Variants in ZC3H18 observed in about 807,000 individuals in gnomAD.
ZC3H18 encodes zinc finger CCCH-type containing 18.
Under a neutral mutation model 106.1 loss-of-function variants are expected in ZC3H18, and 8 were observed. The observed-to-expected ratio is 0.08, with a 90% CI of 0.04 to 0.14. ZC3H18 has a LOEUF of 0.14. Ranked by LOEUF, ZC3H18 falls within the 10% of genes least tolerant of loss-of-function variation. The pLI, the probability that ZC3H18 is intolerant of heterozygous loss-of-function variation, is 1.00. For synonymous variants in ZC3H18, 635 were observed against 522.1 expected (o/e 1.22, Z -2.95); for missense variants, 1,318 against 1,278.4 (o/e 1.03, Z -0.47).
At chr16:88,590,406 G>T (rs1461705532) in intron 3 of ZC3H18, among the ~76,000 whole-genome samples, 1 of 152,114 alleles carries the variant, frequency 6.6e-6, no homozygotes, top group Non-Finnish European at 1.5e-5. Context: ...CGCCTGCCCG[G>T]CTCCACAGCA....
intron 13 of ZC3H18, 67 bp downstream of exon 13, chr16:88,625,334 C>A: frequency 6.5e-7 from 1 of 1,544,380 alleles, no homozygotes; most frequent in South Asian, 1.2e-5. Flanking sequence ...CCAGAAGCAG[C>A]CAGTGTGGGT....
chr16:88,593,810 G>A (rs1332318968), intron 3 of ZC3H18, among the ~76,000 whole-genome samples: 5 of 152,254 alleles, frequency 3.3e-5, no homozygotes, highest in Non-Finnish European at 7.3e-5. Flanking sequence ...GGAGCTTTCA[G>A]TTGAAAATTG....
rs1203865623 is a variant in ZC3H18 at position 88,577,632 on chromosome 16, G to A, written c.509G>A (p.Gly170Asp). The A allele has an allele frequency of 3.7e-6, 6 of 1,613,926 alleles. No individual in the cohort carries two copies. The highest frequency in any genetic ancestry group is 1.7e-4 in the Middle Eastern group (1 of 5,960). ...ACTCCCAGGGAGGAGGGGAAGGCTGGTGTTCAGAGTGTGGGAGAAAAGGAA... is the reference window on the plus strand; with the variant it reads ...ACTCCCAGGGAGGAGGGGAAGGCTGATGTTCAGAGTGTGGGAGAAAAGGAA... ...EGTPREEGKA[G>D]VQSVGEKESL... The change falls in exon 2 of 18, where the codon GGT becomes GAT. Residue 170 changes from glycine to aspartate, a missense_variant. Gly to Asp is a moderately conservative substitution (Grantham distance 94). This residue lies in a region of ZC3H18 where 346 missense variants were observed against 269.0 expected (regional missense o/e 1.29). Coordinates refer to ENST00000301011, the MANE Select transcript of ZC3H18 (RefSeq NM_144604.4).
chr16:88,573,295 T>G (rs1914523940), intron 1 of ZC3H18, among the ~76,000 whole-genome samples: 1 of 151,980 alleles, frequency 6.6e-6, no homozygotes, highest in African/African-American at 2.4e-5. Context: ...TGTTTATACA[T>G]TGTAATAAAA....
chr16:88,625,266 A>G lies in ZC3H18; in HGVS notation c.2107A>G (p.Arg703Gly). 6.3e-7 allele frequency: 1 copy of G among 1,587,502 alleles called. No individual in the cohort carries two copies. The highest frequency in any genetic ancestry group is 8.6e-7 in the Non-Finnish European group (1 of 1,167,156). The stretch of plus-strand genomic sequence containing the variant: ...CTATAGTGGTTCCAGCTCCCGATCC[A>G]GGTCATCCCCATCACCCTGTGCCTC... ...SSYSGSSSRS[R>G]SLSVSSVSSV... The change falls in exon 13 of 18, where the codon AGG becomes GGG. Residue 703 changes from arginine to glycine, a missense_variant and splice_region_variant. Physicochemically the swap from Arg to Gly is moderately radical, Grantham distance 125 (BLOSUM62 -2). Coordinates refer to ENST00000301011, the MANE Select transcript of ZC3H18 (RefSeq NM_144604.4).
Position 88,631,585 on chromosome 16 carries a change from C to G in ZC3H18, c.*286C>G. The G allele has an allele frequency of 3.9e-6, 2 of 518,432 alleles. No individual in the cohort carries two copies. The highest frequency in any genetic ancestry group is 7.4e-6 in the Non-Finnish European group (2 of 268,864). 32.1% of individuals were successfully genotyped at this position (518,432 alleles called of 1,614,324 possible). A position where few individuals can be genotyped will look rare whatever the true frequency, so the allele number is the denominator to read the frequency against. On this transcript the variant is annotated 3_prime_UTR_variant, in exon 18 of 18. Transcript: ENST00000301011. ...GCCCCAGCCGCCAGCCCCGCCTTCT[C>G]TTCCTCCTCCTCCGTCTTCTTCCCT... is the stretch of plus-strand genomic sequence containing the variant.
At chr16:88,594,661 A>G (rs1904338107) in intron 3 of ZC3H18, among the ~76,000 whole-genome samples, 1 of 152,206 alleles carries the variant, frequency 6.6e-6, no homozygotes, top group Non-Finnish European at 1.5e-5. Context: ...GGGGGCAATG[A>G]TTGATGGATG....
intron 2 of ZC3H18, among the ~76,000 whole-genome samples, chr16:88,580,156 C>CTGTGTGTGTGTG (rs56406234): frequency 2.1e-4 from 27 of 126,948 alleles, no homozygotes; most frequent in African/African-American, 5.5e-4. Flanking sequence ...ACAGGTTCAT[C>CTGTGTGTGTGTG]TGTGTGTGTG....
intron 13 of ZC3H18, chr16:88,626,804 G>C (rs1213771538): frequency 6.6e-6 from 1 of 152,278 alleles, no homozygotes; most frequent in Non-Finnish European, 1.5e-5. Flanking sequence ...GGGCAGGGCA[G>C]ACTCAGGTGC....
rs143817073 is a variant in ZC3H18 at position 88,582,603 on chromosome 16, A to G, written c.604-3997A>G. Among the ~76,000 whole-genome samples, 13 of 152,180 alleles carry G rather than the reference A, an allele frequency of 8.5e-5. No homozygotes were observed. The East Asian group carries it at 2.1e-3, about 25-fold the overall frequency. ...GCCAAGTGCGCCCATTCTATTGCCA[A>G]AGCCCAGGAAGCAGCGGCCTGTACC... On this transcript the variant is annotated intron_variant, in intron 2 of 17. Transcript: ENST00000301011.
At position 88,631,018 on chromosome 16, in the gene ZC3H18, G is replaced by A. The variant is rs112986851; in HGVS notation, c.2664-83G>A. 1,359 of 1,561,362 alleles carry A rather than the reference G, an allele frequency of 8.7e-4. 13 individuals carry two copies. The African/African-American group carries it at 0.017, about 20-fold the overall frequency. On this transcript the variant is annotated intron_variant, in intron 17 of 17. Transcript: ENST00000301011. ...TCCTGGTGGCCGCTGAGGACACAGT[G>A]GAAGCGCCCCTACGGGGAGGTCACC...
At chr16:88,579,054 C>T (rs752697470) in intron 2 of ZC3H18, among the ~76,000 whole-genome samples, 8 of 152,266 alleles carry the variant, frequency 5.3e-5, no homozygotes, top group South Asian at 4.1e-4. Context: ...TATGACTTTC[C>T]GGCCATCGCT....
At chr16:88,576,567 C>T (rs918941198) in intron 1 of ZC3H18, among the ~76,000 whole-genome samples, 15 of 152,038 alleles carry the variant, frequency 9.9e-5, no homozygotes, top group African/African-American at 3.6e-4. Context: ...TCTCGGAGGC[C>T]CTCAGAGGCT....
At chr16:88,588,374 T>C (rs1281967198) in intron 3 of ZC3H18, among the ~76,000 whole-genome samples, 1 of 152,234 alleles carries the variant, frequency 6.6e-6, no homozygotes, top group East Asian at 1.9e-4. Context: ...TGGTTCCAAC[T>C]GCAGGAGGCT....
chr16:88,577,812 GGACT>G (rs1914859995), intron 2 of ZC3H18, 86 bp downstream of exon 2: 1 of 1,599,772 alleles, frequency 6.3e-7, no homozygotes, highest in East Asian at 2.2e-5. Context: ...ACTCTGTGTG[GGACT>G]GACTTAGTGA....
intron 15 of ZC3H18, chr16:88,628,518 G>A (rs1053606510): frequency 7.1e-6 from 4 of 563,288 alleles, no homozygotes; most frequent in Non-Finnish European, 1.3e-5. Context: ...TGGCCCCCGT[G>A]GGGAGCAGGA....
chr16:88,616,863 C>A (rs1432132482), intron 8 of ZC3H18, among the ~76,000 whole-genome samples: 1 of 152,148 alleles, frequency 6.6e-6, no homozygotes, highest in Non-Finnish European at 1.5e-5. Context: ...AGGGCTAGGC[C>A]TTGCATGGGG....
At chr16:88,585,818 C>A (rs150606778) in intron 2 of ZC3H18, among the ~76,000 whole-genome samples, 1 of 152,006 alleles carries the variant, frequency 6.6e-6, no homozygotes, top group East Asian at 1.9e-4. Context: ...CCACATGGGA[C>A]CGGTGAGATT....
chr16:88,614,930 A>C, intron 8 of ZC3H18, among the ~76,000 whole-genome samples: 1 of 149,328 alleles, frequency 6.7e-6, no homozygotes. Flanking sequence ...GGCTGCCCCC[A>C]TTTCCTCCAT....
Sources: allele counts gnomAD v4.1 joint callset (sites outside exome capture counted in the v4.1 genomes callset), GRCh38; gene constraint gnomAD v4.1.1; regional missense constraint gnomAD v4.1.1; transcripts MANE v1.5; gene names NCBI Gene and HGNC (gene_info 2026-07-23, HGNC 2026-07-21).